The following CAPN8 variants were observed in gnomAD, a reference collection of about 807,000 sequenced individuals.
CAPN8 encodes calpain 8, also known as calpain-8.
In CAPN8, 87 loss-of-function variants were observed where a neutral mutation model predicts 80.9. That is an observed-to-expected ratio of 1.07 (90% CI 0.90 to 1.28). The LOEUF (loss-of-function observed/expected upper bound fraction) is 1.28, where lower values mean the gene tolerates loss of function less well. CAPN8 is among the 50% of genes most tolerant of loss of function. CAPN8 has a pLI of 0.00. For synonymous variants in CAPN8, 299 were observed against 273.8 expected (o/e 1.09, Z -0.91); for missense variants, 757 against 702.0 (o/e 1.08, Z -0.89).
At chr1:223,625,463 T>A (rs554717878) in intron 6 of CAPN8, among the ~76,000 whole-genome samples, 37 of 152,158 alleles carry the variant, frequency 2.4e-4, no homozygotes, top group South Asian at 8.3e-4. Flanking sequence ...AGAAAAAAAA[T>A]TTTTAATTTT....
chr1:223,549,623 G>A, intron 15 of CAPN8: 1 of 653,982 alleles, frequency 1.5e-6, no homozygotes, highest in Non-Finnish European at 2.8e-6. Context: ...CCTTGGCTTG[G>A]CTCCCCACAA....
At chr1:223,653,277 C>T (rs142694991) in intron 2 of CAPN8, among the ~76,000 whole-genome samples, 4 of 151,544 alleles carry the variant, frequency 2.6e-5, no homozygotes, top group African/African-American at 9.7e-5. Context: ...TTGATCGTCA[C>T]GCTCTGTGAG....
At chr1:223,554,424 A>G (rs1354687999) in intron 13 of CAPN8, among the ~76,000 whole-genome samples, 8 of 152,092 alleles carry the variant, frequency 5.3e-5, no homozygotes, top group African/African-American at 1.9e-4. Flanking sequence ...GTTCGATAGT[A>G]GCCTGGGCAA....
chr1:223,610,945 G>A (rs1346359154), intron 11 of CAPN8, among the ~76,000 whole-genome samples: 1 of 152,148 alleles, frequency 6.6e-6, no homozygotes, highest in Non-Finnish European at 1.5e-5. Context: ...CAGGAGCAGG[G>A]CCCAAAAATC....
At chr1:223,542,351 T>G (rs1656491107) in intron 20 of CAPN8, among the ~76,000 whole-genome samples, 1 of 152,214 alleles carries the variant, frequency 6.6e-6, no homozygotes, top group African/African-American at 2.4e-5. Flanking sequence ...CACTCCATTT[T>G]AGGTTCCACA....
intron 19 of CAPN8, 65 bp from the exon 20 acceptor site, chr1:223,543,231 A>C: frequency 2.6e-6 from 4 of 1,527,428 alleles, no homozygotes. Context: ...ACAATCAGAG[A>C]GCTGCCTCTG....
At chr1:223,628,903 G>T in intron 2 of CAPN8, 123 bp from the exon 3 acceptor site, 1 of 709,442 alleles carries the variant, frequency 1.4e-6, no homozygotes, top group Non-Finnish European at 2.3e-6. Context: ...GTCAGGTAGA[G>T]TTTCCTCCTC....
rs1248307083 is a variant in CAPN8, at chr1:223,544,767, C to T, written c.1912+5G>A. 3 of 1,551,520 alleles carry T rather than the reference C, an allele frequency of 1.9e-6. No homozygotes were observed. Among genetic ancestry groups the T allele is most frequent in the East Asian group, 2.4e-5 (1 of 40,924 alleles). ...CAAGACCCTGTCTACAGGATGTGTC[C>T]TCACCTGCCTTCCTGAGGGCTGTCC... On this transcript the variant is annotated splice_donor_5th_base_variant and intron_variant, in intron 18 of 20. Coordinates refer to ENST00000366872, the MANE Select transcript of CAPN8 (RefSeq NM_001143962.2).
intron 2 of CAPN8, among the ~76,000 whole-genome samples, chr1:223,640,535 T>C (rs576566951): frequency 5.9e-5 from 9 of 152,236 alleles, no homozygotes; most frequent in African/African-American, 2.2e-4. Flanking sequence ...TCAGAGCCAC[T>C]AGTTTGTCAG....
chr1:223,628,006 T>C lies in CAPN8; in HGVS notation c.560+3A>G. ...CTCCCAGCTCCTGGCTTCCCCCACT[T>C]ACTTGGCATAGGCTTTCTCCAGCAG... On this transcript the variant is annotated splice_donor_region_variant and intron_variant, in intron 4 of 20. Coordinates refer to ENST00000366872, the MANE Select transcript of CAPN8 (RefSeq NM_001143962.2). 1 of 1,532,284 alleles carries C rather than the reference T, an allele frequency of 6.5e-7. No individual in the cohort carries two copies. Among genetic ancestry groups the C allele is most frequent in the Non-Finnish European group, 8.8e-7 (1 of 1,133,304 alleles). 94.9% of individuals were successfully genotyped at this position (1,532,284 alleles called of 1,614,324 possible).
chr1:223,639,502 A>G (rs1341820471), intron 2 of CAPN8, among the ~76,000 whole-genome samples: 1 of 152,238 alleles, frequency 6.6e-6, no homozygotes, highest in South Asian at 2.1e-4. Context: ...CCAAAGCCCA[A>G]TGCAAACAGT....
intron 1 of CAPN8, among the ~76,000 whole-genome samples, chr1:223,659,222 G>A (rs1237529178): frequency 1.3e-5 from 2 of 152,158 alleles, no homozygotes; most frequent in Non-Finnish European, 2.9e-5. Context: ...ATGGCTGTTT[G>A]GCCACACTGC....
intron 2 of CAPN8, among the ~76,000 whole-genome samples, chr1:223,634,951 G>A (rs1657874549): frequency 6.6e-6 from 1 of 152,184 alleles, no homozygotes; most frequent in Admixed American, 6.5e-5. Flanking sequence ...ACAGACAGAG[G>A]CATAATACCT....
intron 4 of CAPN8, among the ~76,000 whole-genome samples, 175 bp downstream of exon 4, chr1:223,627,834 T>C (rs1004608115): frequency 6.6e-6 from 1 of 152,174 alleles, no homozygotes; most frequent in African/African-American, 2.4e-5. Context: ...CCCGCCCAGA[T>C]TTCTGTTTCT....
intron 5 of CAPN8, among the ~76,000 whole-genome samples, chr1:223,626,192 GA>G (rs1657571664): frequency 6.6e-6 from 1 of 152,086 alleles, no homozygotes; most frequent in African/African-American, 2.4e-5. Flanking sequence ...GCTGCCTGAA[GA>G]AGGCTAATTC....
At chr1:223,650,062 A>G (rs1658305051) in intron 2 of CAPN8, among the ~76,000 whole-genome samples, 2 of 152,230 alleles carry the variant, frequency 1.3e-5, no homozygotes, top group South Asian at 4.1e-4. Flanking sequence ...CTACCCGTGC[A>G]TGCTGAATTA....
rs933331285 is a variant in CAPN8 at position 223,656,677 on chromosome 1, T to G, written c.238-2278A>C. Among the ~76,000 whole-genome samples, 71 of 38,488 alleles carry G rather than the reference T, an allele frequency of 1.8e-3. 2 individuals carry two copies. In the East Asian group the frequency reaches 0.057, roughly 31 times the overall value. The allele number at this position is 38,488 out of a possible 152,430, so 25.2% of individuals were successfully genotyped here. On this transcript the variant is annotated intron_variant, in intron 1 of 20. Transcript: ENST00000366872. Reference sequence around the variant, plus strand: ...CATACACACGTTTTGGGTTTTTTTGTTTTGTTTTTTTTTTTTTTTTTTTTG... The same window carrying G: ...CATACACACGTTTTGGGTTTTTTTGGTTTGTTTTTTTTTTTTTTTTTTTTG...
intron 14 of CAPN8, among the ~76,000 whole-genome samples, chr1:223,551,668 G>A (rs1656790008): frequency 6.6e-6 from 1 of 152,234 alleles, no homozygotes; most frequent in Admixed American, 6.5e-5. Context: ...GCCAGAGCCA[G>A]TGTGGAAGAT....
chr1:223,621,336 G>A (rs1436690422), intron 7 of CAPN8, among the ~76,000 whole-genome samples: 2 of 150,552 alleles, frequency 1.3e-5, no homozygotes, highest in Non-Finnish European at 2.9e-5. Flanking sequence ...TCCTCCAATA[G>A]CTGATATATA....
Sources: gnomAD v4.1 joint callset for allele counts (sites outside exome capture counted in the v4.1 genomes callset) on GRCh38, gnomAD v4.1.1 for gene constraint, MANE v1.5 for transcripts, NCBI Gene and HGNC (gene_info 2026-07-23, HGNC 2026-07-21) for gene names.